Variants in GABRA1 observed in about 807,000 individuals in gnomAD.
GABRA1 encodes the protein gamma-aminobutyric acid type A receptor subunit alpha1.
A neutral mutation model predicts 48.9 loss-of-function variants in GABRA1; 9 were observed. That is an observed-to-expected ratio of 0.18 (90% CI 0.11 to 0.32). The LOEUF is 0.32. Ranked by LOEUF, GABRA1 falls within the 10% of genes least tolerant of loss-of-function variation. The probability of loss-of-function intolerance (pLI) is 1.00; values close to 1 mark genes in which losing one functional copy is unlikely to be tolerated. For missense variants in GABRA1, 285 were observed against 553.8 expected (o/e 0.51, Z 4.87); for synonymous variants, 210 against 198.7 (o/e 1.06, Z -0.48).
At chr5:161,877,382 T>TAA (rs1211796561) in intron 6 of GABRA1, among the ~76,000 whole-genome samples, 1 of 152,202 alleles carries the variant, frequency 6.6e-6, no homozygotes. Context: ...TCATTTTATA[T>TAA]AAGATGTGTG....
chr5:161,854,411 T>C (rs1053224829), intron 3 of GABRA1, 141 bp downstream of exon 3: 6 of 678,666 alleles, frequency 8.8e-6, no homozygotes, highest in South Asian at 3.2e-5. Flanking sequence ...TGGATCACTC[T>C]ATGTTAATTC....
intron 2 of GABRA1, among the ~76,000 whole-genome samples, chr5:161,852,687 C>T (rs1757496916): frequency 6.6e-6 from 1 of 151,638 alleles, no homozygotes; most frequent in South Asian, 2.1e-4. Flanking sequence ...GAGAGTAAGC[C>T]CTCAATCTGC....
At chr5:161,878,986 A>G (rs1197340323) in intron 6 of GABRA1, among the ~76,000 whole-genome samples, 2 of 152,230 alleles carry the variant, frequency 1.3e-5, no homozygotes, top group Admixed American at 6.5e-5. Context: ...ACAGAGACTC[A>G]TAAAAGTGAA....
intron 3 of GABRA1, among the ~76,000 whole-genome samples, chr5:161,857,797 T>C (rs911836361): frequency 2.0e-5 from 3 of 151,534 alleles, no homozygotes; most frequent in Non-Finnish European, 4.4e-5. Flanking sequence ...TATCAGTAAT[T>C]ACTGGATTCA....
At chr5:161,871,912 A>G (rs977314084) in intron 4 of GABRA1, among the ~76,000 whole-genome samples, 8 of 152,214 alleles carry the variant, frequency 5.3e-5, no homozygotes, top group South Asian at 2.1e-4. Flanking sequence ...AGTAATGCCA[A>G]ACATGTGCCA....
At chr5:161,875,703 A>G (rs2113389544) in intron 6 of GABRA1, 61 bp downstream of exon 6, 2 of 1,246,924 alleles carry the variant, frequency 1.6e-6, no homozygotes, top group East Asian at 2.3e-5. Flanking sequence ...ATCTCTAGCT[A>G]TATCTGTGAG....
chr5:161,874,060 C>T (rs972788697), intron 5 of GABRA1, among the ~76,000 whole-genome samples: 1 of 152,080 alleles, frequency 6.6e-6, no homozygotes, highest in Non-Finnish European at 1.5e-5. Flanking sequence ...TTCTTGAGAG[C>T]AGCAGTAATT....
At chr5:161,891,194 C>T (rs1229841339) in intron 8 of GABRA1, 144 bp downstream of exon 8, 5 of 781,766 alleles carry the variant, frequency 6.4e-6, no homozygotes, top group African/African-American at 3.5e-5. Context: ...AATTGCCACT[C>T]TCATTATGGT....
intron 5 of GABRA1, 38 bp downstream of exon 5, chr5:161,873,375 T>C (rs747468638): frequency 7.4e-6 from 11 of 1,487,634 alleles, no homozygotes; most frequent in Non-Finnish European, 1.0e-5. Flanking sequence ...AATGTTTCTG[T>C]ACTTCATTCC....
intron 3 of GABRA1, among the ~76,000 whole-genome samples, chr5:161,855,517 G>C (rs1267896402): frequency 6.6e-6 from 1 of 151,406 alleles, no homozygotes; most frequent in South Asian, 2.1e-4. Context: ...ACTTCACCAA[G>C]TTTATATTGA....
chr5:161,882,714 T>C lies in GABRA1; in HGVS notation c.703+13T>C. 2.5e-6 allele frequency: 4 copies of C among 1,611,538 alleles called. No individual in the cohort carries two copies. The highest frequency in any genetic ancestry group is 3.4e-6 in the Non-Finnish European group (4 of 1,177,908). On this transcript the variant is annotated intron_variant, in intron 7 of 9. Transcript: ENST00000393943. ...CAGTCAAGTACAGGTAAGTACGATT[T>C]TGTTACTTCAGTTATGGAGGAAGAA...
chr5:161,874,537 A>G (rs1754263725), intron 5 of GABRA1, among the ~76,000 whole-genome samples: 1 of 152,156 alleles, frequency 6.6e-6, no homozygotes, highest in Non-Finnish European at 1.5e-5. Context: ...AGACTTGCAT[A>G]TCCTAAGTGG....
At chr5:161,859,031 C>T (rs777346332) in intron 3 of GABRA1, among the ~76,000 whole-genome samples, 4 of 151,654 alleles carry the variant, frequency 2.6e-5, no homozygotes, top group Non-Finnish European at 5.9e-5. Flanking sequence ...CTACCTTTAT[C>T]CCTGCTACAC....
chr5:161,858,113 G>A (rs553067188), intron 3 of GABRA1, among the ~76,000 whole-genome samples: 2 of 151,546 alleles, frequency 1.3e-5, no homozygotes, highest in African/African-American at 4.8e-5. Flanking sequence ...AATCTCATGA[G>A]CCTGGGGAGA....
chr5:161,886,380 G>A (rs1286138978), intron 7 of GABRA1, among the ~76,000 whole-genome samples: 2 of 151,240 alleles, frequency 1.3e-5, no homozygotes, highest in Non-Finnish European at 1.5e-5. Context: ...TTTTTCATGA[G>A]CTATTGTGAG....
intron 6 of GABRA1, 59 bp downstream of exon 6, chr5:161,875,701 C>A: frequency 7.9e-7 from 1 of 1,270,038 alleles, no homozygotes; most frequent in Non-Finnish European, 1.2e-6. Flanking sequence ...AGATCTCTAG[C>A]TATATCTGTG....
chr5:161,852,549 T>C (rs760239711), intron 2 of GABRA1, among the ~76,000 whole-genome samples: 22 of 152,168 alleles, frequency 1.4e-4, no homozygotes, highest in Non-Finnish European at 2.9e-4. Context: ...TGAGTTTTTA[T>C]AAATAATTGC....
intron 3 of GABRA1, 52 bp from the exon 4 acceptor site, chr5:161,865,669 C>T (rs371488468): frequency 2.8e-6 from 4 of 1,416,552 alleles, no homozygotes; most frequent in East Asian, 2.3e-5. Flanking sequence ...GTGGTGAGAT[C>T]TAATAAGGAC....
At chr5:161,882,891 G>A (rs550455006) in intron 7 of GABRA1, among the ~76,000 whole-genome samples, 190 bp downstream of exon 7, 18 of 152,170 alleles carry the variant, frequency 1.2e-4, no homozygotes, top group Non-Finnish European at 2.4e-4. Context: ...ATGCCTCTTG[G>A]CCTCTGTTTC....
Sources: gnomAD v4.1 joint callset for allele counts (sites outside exome capture counted in the v4.1 genomes callset) on GRCh38, gnomAD v4.1.1 for gene constraint, MANE v1.5 for transcripts, NCBI Gene and HGNC (gene_info 2026-07-23, HGNC 2026-07-21) for gene names.